The following PLCB1 variants were observed in gnomAD, a reference collection of about 807,000 sequenced individuals.
The protein encoded by PLCB1 is phospholipase C beta 1.
PLCB1 carries 46 observed loss-of-function variants against 161.8 expected under a neutral mutation model. That is an observed-to-expected ratio of 0.28 (90% CI 0.22 to 0.36). The LOEUF (loss-of-function observed/expected upper bound fraction) is 0.36, where lower values mean the gene tolerates loss of function less well. Among genes scored for constraint, PLCB1 ranks in the 10% least tolerant of loss-of-function variants. The pLI is 1.00. For missense variants in PLCB1, 1,016 were observed against 1,472.5 expected, an observed-to-expected ratio of 0.69 and a Z score of 5.07; for synonymous variants, 517 against 503.7, an observed-to-expected ratio of 1.03 and a Z score of -0.35.
At chr20:8,451,503 A>G (rs1045484914) in intron 3 of PLCB1, among the ~76,000 whole-genome samples, 1 of 151,986 alleles carries the variant, frequency 6.6e-6, no homozygotes, top group African/African-American at 2.4e-5. Context: ...GGGCGTCACC[A>G]CACCCAGCTA....
intron 1 of PLCB1, among the ~76,000 whole-genome samples, chr20:8,135,917 A>G (rs2051341605): frequency 6.6e-6 from 1 of 152,006 alleles, no homozygotes; most frequent in Non-Finnish European, 1.5e-5. Flanking sequence ...TAAGCTAGGG[A>G]GCTTGGGAGA....
intron 2 of PLCB1, among the ~76,000 whole-genome samples, chr20:8,347,222 G>T (rs1568641052): frequency 6.6e-6 from 1 of 152,208 alleles, no homozygotes; most frequent in Non-Finnish European, 1.5e-5. Context: ...GCTATTTATG[G>T]AATAAAAGAC....
chr20:8,782,804 A>G (rs1411185554), intron 27 of PLCB1, among the ~76,000 whole-genome samples: 3 of 152,238 alleles, frequency 2.0e-5, no homozygotes, highest in African/African-American at 7.2e-5. Context: ...TTCTTTAGAC[A>G]TTAGTGGAAG....
chr20:8,412,464 A>G (rs1431867395), intron 3 of PLCB1, among the ~76,000 whole-genome samples: 3 of 152,216 alleles, frequency 2.0e-5, no homozygotes, highest in Non-Finnish European at 4.4e-5. Flanking sequence ...TCTGACTGTC[A>G]TTTCAATAGC....
chr20:8,684,415 G>T (rs1453950134), intron 9 of PLCB1, among the ~76,000 whole-genome samples: 1 of 151,530 alleles, frequency 6.6e-6, no homozygotes, highest in Non-Finnish European at 1.5e-5. Flanking sequence ...ACCATGCCCG[G>T]GTTAATTTTT....
At chr20:8,709,361 A>G (rs1483962726) in intron 12 of PLCB1, among the ~76,000 whole-genome samples, 2 of 152,240 alleles carry the variant, frequency 1.3e-5, no homozygotes, top group African/African-American at 4.8e-5. Flanking sequence ...TACCAAAGAG[A>G]GACACATTTA....
intron 2 of PLCB1, among the ~76,000 whole-genome samples, chr20:8,178,968 C>G (rs1039734112): frequency 6.6e-6 from 1 of 152,210 alleles, no homozygotes. Flanking sequence ...TTTCTGGGCT[C>G]TCTATTCGGT....
chr20:8,824,298 G>T (rs1248579434), intron 31 of PLCB1, among the ~76,000 whole-genome samples: 1 of 152,036 alleles, frequency 6.6e-6, no homozygotes, highest in East Asian at 1.9e-4. Context: ...TTGGGAAAAA[G>T]GGTGGATACA....
chr20:8,329,495 T>G (rs1302975714), intron 2 of PLCB1, among the ~76,000 whole-genome samples: 3 of 152,092 alleles, frequency 2.0e-5, no homozygotes, highest in African/African-American at 7.2e-5. Context: ...TGTTTGGTTT[T>G]TTCTGTTTGT....
At chr20:8,569,537 GA>G (rs768886593) in intron 3 of PLCB1, among the ~76,000 whole-genome samples, 13 of 152,280 alleles carry the variant, frequency 8.5e-5, no homozygotes, top group Non-Finnish European at 1.3e-4. Context: ...CTGACCTAAT[GA>G]TTAAATTTCT....
chr20:8,322,743 G>A (rs1409751212), intron 2 of PLCB1, among the ~76,000 whole-genome samples: 4 of 152,126 alleles, frequency 2.6e-5, no homozygotes, highest in Non-Finnish European at 5.9e-5. Context: ...TACTTCCAAA[G>A]TTTTGAATTA....
chr20:8,316,655 C>T (rs1984669888), intron 2 of PLCB1, among the ~76,000 whole-genome samples: 1 of 152,102 alleles, frequency 6.6e-6, no homozygotes, highest in East Asian at 1.9e-4. Flanking sequence ...TATATACAAA[C>T]CCCTATCTCC....
chr20:8,724,915 T>G (rs915709525), intron 16 of PLCB1, among the ~76,000 whole-genome samples, 163 bp downstream of exon 16: 2 of 152,144 alleles, frequency 1.3e-5, no homozygotes, highest in African/African-American at 4.8e-5. Flanking sequence ...ACACATATAA[T>G]AAATATGCAT....
chr20:8,316,544 C>T (rs879263962), intron 2 of PLCB1, among the ~76,000 whole-genome samples: 19 of 152,054 alleles, frequency 1.2e-4, no homozygotes, highest in Admixed American at 3.3e-4. Context: ...TGAGATTGGC[C>T]GAGACTTCTA....
At chr20:8,639,857 C>G (rs1300071145) in intron 4 of PLCB1, among the ~76,000 whole-genome samples, 2 of 150,462 alleles carry the variant, frequency 1.3e-5, no homozygotes, top group Non-Finnish European at 2.9e-5. Flanking sequence ...ATTAAATAAA[C>G]TGATATCAAT....
At chr20:8,877,005 G>A (rs1380969347) in intron 31 of PLCB1, among the ~76,000 whole-genome samples, 1 of 152,114 alleles carries the variant, frequency 6.6e-6, no homozygotes, top group Admixed American at 6.5e-5. Flanking sequence ...GGGATGGGAT[G>A]AGCTGCAAAG....
intron 2 of PLCB1, among the ~76,000 whole-genome samples, chr20:8,212,643 G>T (rs911185206): frequency 5.9e-5 from 9 of 152,058 alleles, no homozygotes; most frequent in African/African-American, 1.9e-4. Flanking sequence ...AAACGCAAAA[G>T]ATGAAACATC....
chr20:8,869,788 G>A (rs1295982454), intron 31 of PLCB1, among the ~76,000 whole-genome samples: 1 of 152,224 alleles, frequency 6.6e-6, no homozygotes, highest in Non-Finnish European at 1.5e-5. Flanking sequence ...TTATGGGTCA[G>A]GCAGGTAGCT....
At chr20:8,851,727 A>AT (rs1300678795) in intron 31 of PLCB1, among the ~76,000 whole-genome samples, 1 of 132,514 alleles carries the variant, frequency 7.5e-6, no homozygotes, top group Non-Finnish European at 1.6e-5. Context: ...TTTTTTTTTC[A>AT]TTTTTTTCAT....
Sources: gnomAD v4.1 joint callset for allele counts (sites outside exome capture counted in the v4.1 genomes callset) on GRCh38, gnomAD v4.1.1 for gene constraint, MANE v1.5 for transcripts, NCBI Gene and HGNC (gene_info 2026-07-23, HGNC 2026-07-21) for gene names.